The following PIBF1 variants were observed in gnomAD, a reference collection of about 807,000 sequenced individuals.
PIBF1 encodes progesterone-induced-blocking factor 1.
PIBF1 carries 90 observed loss-of-function variants against 112.5 expected under a neutral mutation model. That is an observed-to-expected ratio of 0.80 (90% confidence interval 0.67 to 0.95). The LOEUF is 0.95. Ranked by LOEUF, PIBF1 falls within the 40% of genes least tolerant of loss-of-function variation. The pLI is 0.00. For missense variants in PIBF1, 915 were observed against 852.3 expected (o/e 1.07, Z -0.92); for synonymous variants, 301 against 288.6 (o/e 1.04, Z -0.44).
At chr13:72,815,867 G>A (rs1486264796) in intron 5 of PIBF1, among the ~76,000 whole-genome samples, 4 of 152,172 alleles carry the variant, frequency 2.6e-5, no homozygotes, top group Admixed American at 2.6e-4. Context: ...CAAAAGGCAT[G>A]AGAATCCATA....
At position 73,015,917 on chromosome 13, in the gene PIBF1, T is replaced by C. The variant is rs755258432; in HGVS notation, c.2272T>C (p.Ter758GlnextTer19). The part of the protein sequence containing the change: ...EWSKKQKMKT[*>Q] The stretch of plus-strand genomic sequence containing the variant: ...GTCTAAGAAACAAAAGATGAAGACC[T>C]AGTGTTTTGGATGGGAAGCACCTGT... Residue 758 changes from the stop codon to glutamine (Q), a stop_lost, in exon 18 of 18, where the codon TAG becomes CAG. Coordinates refer to ENST00000326291, the MANE Select transcript of PIBF1 (RefSeq NM_006346.4). 6.3e-7 allele frequency: 1 copy of C among 1,584,680 alleles called. No individual in the cohort carries two copies. The highest frequency in any genetic ancestry group is 1.8e-5 in the Admixed American group (1 of 56,930).
intron 16 of PIBF1, among the ~76,000 whole-genome samples, chr13:72,996,935 A>T (rs9318132): frequency 1.2e-4 from 19 of 152,092 alleles, no homozygotes; most frequent in Admixed American, 6.5e-5. Context: ...AATTTTGCTG[A>T]TCTTAAAGTG....
intron 12 of PIBF1, among the ~76,000 whole-genome samples, chr13:72,914,993 T>C (rs1164379585): frequency 6.6e-6 from 1 of 152,188 alleles, no homozygotes; most frequent in Non-Finnish European, 1.5e-5. Context: ...CACCTGTGGA[T>C]TGAAAATATT....
chr13:72,815,533 G>GA (rs1397714756), intron 5 of PIBF1, among the ~76,000 whole-genome samples: 4 of 152,172 alleles, frequency 2.6e-5, no homozygotes, highest in Non-Finnish European at 4.4e-5. Context: ...CAATTTTTAT[G>GA]ATTAACATAT....
intron 14 of PIBF1, among the ~76,000 whole-genome samples, chr13:72,956,769 C>T (rs1238591480): frequency 6.6e-6 from 1 of 152,016 alleles, no homozygotes; most frequent in Non-Finnish European, 1.5e-5. Flanking sequence ...AAACATTAGA[C>T]GAAGTCTAGA....
intron 10 of PIBF1, among the ~76,000 whole-genome samples, chr13:72,879,081 T>C (rs1368964326): frequency 1.3e-5 from 2 of 152,202 alleles, no homozygotes; most frequent in African/African-American, 2.4e-5. Flanking sequence ...AGCATTTACA[T>C]ACAATGTGAT....
chr13:72,879,716 G>A (rs1435646911), intron 10 of PIBF1, among the ~76,000 whole-genome samples: 1 of 152,080 alleles, frequency 6.6e-6, no homozygotes, highest in South Asian at 2.1e-4. Context: ...ATGGCCGATA[G>A]GCCAAATCCA....
chr13:72,993,506 C>G (rs2043546714), intron 16 of PIBF1, among the ~76,000 whole-genome samples: 1 of 151,820 alleles, frequency 6.6e-6, no homozygotes, highest in Non-Finnish European at 1.5e-5. Flanking sequence ...AAGATTCTCG[C>G]AAGAAAGAAA....
chr13:72,944,745 G>T (rs115757725), intron 14 of PIBF1, among the ~76,000 whole-genome samples: 1 of 151,842 alleles, frequency 6.6e-6, no homozygotes, highest in Non-Finnish European at 1.5e-5. Flanking sequence ...GGGTACATGG[G>T]CAGGTTTATT....
chr13:72,909,171 C>A (rs1295485484), intron 12 of PIBF1, among the ~76,000 whole-genome samples: 3 of 151,922 alleles, frequency 2.0e-5, no homozygotes, highest in African/African-American at 7.3e-5. Flanking sequence ...AAATTGCAGT[C>A]AAAAAAGAAA....
At chr13:72,932,621 G>A (rs1258741439) in intron 14 of PIBF1, among the ~76,000 whole-genome samples, 4 of 152,136 alleles carry the variant, frequency 2.6e-5, no homozygotes, top group Admixed American at 2.6e-4. Context: ...CCAACCTAAG[G>A]TTACTGAAGA....
Position 73,015,857 on chromosome 13 carries a change from T to C in PIBF1, c.2224-12T>C. The stretch of plus-strand genomic sequence containing the variant: ...GCATTTTATTGGATTTTCTTTTTCT[T>C]TTTTTAAACAGACTAAAAAAGAAGC... On this transcript the variant is annotated splice_polypyrimidine_tract_variant and intron_variant, in intron 17 of 17. Coordinates refer to ENST00000326291, the MANE Select transcript of PIBF1 (RefSeq NM_006346.4). The C allele has an allele frequency of 6.5e-7, 1 of 1,539,974 alleles. No individual in the cohort carries two copies.
chr13:72,788,566 T>C (rs1340570986), intron 2 of PIBF1, among the ~76,000 whole-genome samples: 1 of 152,222 alleles, frequency 6.6e-6, no homozygotes, highest in East Asian at 1.9e-4. Flanking sequence ...CAGTATTGTG[T>C]ACATGTAAAA....
chr13:72,888,757 G>A (rs1368207034), intron 10 of PIBF1, among the ~76,000 whole-genome samples: 1 of 150,070 alleles, frequency 6.7e-6, no homozygotes, highest in Non-Finnish European at 1.5e-5. Context: ...AAGAATATGT[G>A]TGATATGCCA....
chr13:72,798,081 C>T, intron 5 of PIBF1, 55 bp downstream of exon 5: 2 of 1,526,934 alleles, frequency 1.3e-6, no homozygotes, highest in Admixed American at 2.3e-5. Context: ...TCTGTAGAGT[C>T]CCTCAGGATT....
chr13:72,835,349 A>C lies in PIBF1; in HGVS notation c.1204A>C (p.Met402Leu). Reference sequence around the variant, plus strand: ...TCAACTTCGAAATGCCTCTAGGGAAATGTATGAACGAGAAAACAGGTAAAA... The same window carrying C: ...TCAACTTCGAAATGCCTCTAGGGAACTGTATGAACGAGAAAACAGGTAAAA... ...IDQLRNASREMYERENRNLRE... is the reference protein window; with the variant it reads ...IDQLRNASRELYERENRNLRE... The change falls in exon 9 of 18, where the codon ATG (methionine) becomes CTG (leucine). Residue 402 changes from methionine to leucine, a missense_variant. Physicochemically the swap from Met to Leu is conservative, Grantham distance 15. Coordinates refer to ENST00000326291, the MANE Select transcript of PIBF1 (RefSeq NM_006346.4). 6.3e-7 allele frequency: 1 copy of C among 1,579,744 alleles called. No individual in the cohort carries two copies. The highest frequency in any genetic ancestry group is 1.7e-4 in the Middle Eastern group (1 of 5,924).
At chr13:72,924,478 G>A (rs1214202411) in intron 13 of PIBF1, among the ~76,000 whole-genome samples, 1 of 151,764 alleles carries the variant, frequency 6.6e-6, no homozygotes, top group Non-Finnish European at 1.5e-5. Context: ...TCCCAGCACT[G>A]TAGGAGGCTG....
At chr13:72,842,101 A>G (rs1406079201) in intron 9 of PIBF1, among the ~76,000 whole-genome samples, 5 of 152,222 alleles carry the variant, frequency 3.3e-5, no homozygotes, top group Non-Finnish European at 4.4e-5. Flanking sequence ...GAGGGTCTAC[A>G]TGCCATTCTT....
intron 13 of PIBF1, among the ~76,000 whole-genome samples, chr13:72,918,455 T>C (rs1360551207): frequency 6.8e-6 from 1 of 146,360 alleles, no homozygotes; most frequent in Non-Finnish European, 1.5e-5. Flanking sequence ...TGGCACAGTC[T>C]CAGCTCACTG....
Sources: gnomAD v4.1 joint callset for allele counts (sites outside exome capture counted in the v4.1 genomes callset) on GRCh38, gnomAD v4.1.1 for gene constraint, MANE v1.5 for transcripts, NCBI Gene and HGNC (gene_info 2026-07-23, HGNC 2026-07-21) for gene names.